The following ANK2 variants were observed in gnomAD, a reference collection of about 807,000 sequenced individuals.
ANK2 encodes the protein ankyrin 2, also known as ankyrin-2.
In ANK2, 83 loss-of-function variants were observed where a neutral mutation model predicts 360.5. The observed-to-expected ratio is 0.23, with a 90% confidence interval of 0.19 to 0.28. The LOEUF is 0.28. Among genes scored for constraint, ANK2 ranks in the 10% least tolerant of loss-of-function variants. ANK2 has a pLI of 1.00. For missense variants in ANK2, 4,201 were observed against 4,795.7 expected (o/e 0.88, Z 3.66); for synonymous variants, 1,740 against 1,759.5 (o/e 0.99, Z 0.28).
chr4:112,726,042 T>C, the ANK2 span, among the ~76,000 whole-genome samples: 3 of 152,160 alleles, frequency 2.0e-5, no homozygotes, highest in Non-Finnish European at 4.4e-5. Context: ...CAGAGAACAC[T>C]TCCCTGATAA....
At chr4:112,878,369 C>T (rs1442197740) in intron 1 of ANK2, among the ~76,000 whole-genome samples, 1 of 152,014 alleles carries the variant, frequency 6.6e-6, no homozygotes, top group African/African-American at 2.4e-5. Context: ...TCTTGTTGCC[C>T]AGGCCTGAGT....
At chr4:112,762,508 TTTG>T in the ANK2 span, among the ~76,000 whole-genome samples, 455 of 152,214 alleles carry the variant, frequency 3.0e-3, 4 homozygotes, top group Non-Finnish European at 2.9e-3. Context: ...CTTTTCTAAT[TTTG>T]TTGTTGTTGT....
chr4:113,084,454 C>T (rs115137877), intron 1 of ANK2, among the ~76,000 whole-genome samples: 1,748 of 152,200 alleles, frequency 0.011, 13 homozygotes, highest in Non-Finnish European at 0.018. Context: ...GGAAACGAAA[C>T]GCGATTAAAT....
At chr4:112,755,129 C>G in the ANK2 span, among the ~76,000 whole-genome samples, 51 of 152,298 alleles carry the variant, frequency 3.3e-4, no homozygotes, top group Admixed American at 1.8e-3. Context: ...ATCCTGCCCC[C>G]CTCCAATCCC....
chr4:113,013,439 G>T (rs1283573180), intron 2 of ANK2, among the ~76,000 whole-genome samples: 2 of 151,876 alleles, frequency 1.3e-5, no homozygotes, highest in Non-Finnish European at 2.9e-5. Flanking sequence ...ATATATTATT[G>T]GTATTTATGT....
At chr4:113,132,529 A>G (rs1214188263) in intron 1 of ANK2, among the ~76,000 whole-genome samples, 3 of 152,152 alleles carry the variant, frequency 2.0e-5, no homozygotes, top group East Asian at 3.8e-4. Flanking sequence ...CCACAGAACT[A>G]CTTTGTACCC....
rs760754896 is a variant in ANK2, at chr4:113,199,139, A to G, written c.384+30A>G. On this transcript the variant is annotated intron_variant, in intron 4 of 45. Transcript: ENST00000357077. ...TCCATTCAGATTTTCCCTGATGTAC[A>G]TACATTTAAATTAGAACAGTTTTGT... 2.4e-5 allele frequency: 36 copies of G among 1,510,390 alleles called. No homozygotes were observed. The Admixed American group carries it at 3.2e-4, about 13-fold the overall frequency. 93.6% of individuals were successfully genotyped at this position (1,510,390 alleles called of 1,614,324 possible). A position where few individuals can be genotyped will look rare whatever the true frequency, so the allele number is the denominator to read the frequency against.
chr4:113,119,570 G>C (rs1225901975), intron 1 of ANK2, among the ~76,000 whole-genome samples: 1 of 152,102 alleles, frequency 6.6e-6, no homozygotes, highest in South Asian at 2.1e-4. Flanking sequence ...ACCATCTGCA[G>C]AAAGTAATTT....
intron 13 of ANK2, 21 bp from the exon 14 acceptor site, chr4:113,264,876 A>G (rs2055056022): frequency 1.3e-6 from 2 of 1,553,406 alleles, no homozygotes. Flanking sequence ...TTATGATTTG[A>G]CGATCTTTGT....
Position 113,025,323 on chromosome 4 carries a change from G to A in ANK2, c.21+120809G>A, listed in dbSNP as rs2059046573. Reference sequence around the variant, plus strand: ...ATGCACATACTGTGATGTAAAAATTGTGACAGAGGAAGAAAGGTTGTATAT... The same window carrying A: ...ATGCACATACTGTGATGTAAAAATTATGACAGAGGAAGAAAGGTTGTATAT... On this transcript the variant is annotated intron_variant, in intron 2 of 30. Coordinates refer to the ANK2 transcript ENST00000503271. 2.1e-5 allele frequency among the ~76,000 whole-genome samples: 3 copies of A among 142,782 alleles called. No homozygotes were observed. The South Asian group carries it at 6.2e-4, about 30-fold the overall frequency. The allele number at this position is 142,782 out of a possible 152,430, so 93.7% of individuals were successfully genotyped here.
chr4:112,750,953 C>T, the ANK2 span, among the ~76,000 whole-genome samples: 1 of 152,180 alleles, frequency 6.6e-6, no homozygotes, highest in Non-Finnish European at 1.5e-5. Context: ...CCTCGAACTC[C>T]TGACCTCAGG....
chr4:113,040,250 A>T (rs940553500), intron 2 of ANK2, among the ~76,000 whole-genome samples: 4 of 152,066 alleles, frequency 2.6e-5, no homozygotes, highest in African/African-American at 9.7e-5. Flanking sequence ...GTGAAATTCT[A>T]CGTTTCATCT....
At chr4:113,341,565 T>G (rs2094304230) in intron 32 of ANK2, 123 bp from the exon 33 acceptor site, 1 of 961,600 alleles carries the variant, frequency 1.0e-6, no homozygotes, top group African/African-American at 1.6e-5. Context: ...ATTATCTCCC[T>G]CTCTCACTTC....
At chr4:113,159,822 A>G (rs763285522) in intron 1 of ANK2, among the ~76,000 whole-genome samples, 21 of 151,926 alleles carry the variant, frequency 1.4e-4, no homozygotes, top group Admixed American at 3.3e-4. Flanking sequence ...GGGTTTCACT[A>G]TGTTGGCCAG....
At chr4:113,048,248 G>GTATATATATATATATATATA (rs869196489), upstream of ANK2, among the ~76,000 whole-genome samples, 56 of 36,224 alleles carry the variant, frequency 1.5e-3, no homozygotes, top group East Asian at 2.9e-3. Context: ...CTACAAGTGT[G>GTATATATATATATATATATA]TATATATATA....
At chr4:113,194,552 A>T (rs1475898377) in intron 2 of ANK2, among the ~76,000 whole-genome samples, 1 of 152,190 alleles carries the variant, frequency 6.6e-6, no homozygotes, top group East Asian at 1.9e-4. Context: ...AACAAAAAAG[A>T]TAACTTTGTT....
chr4:113,235,577 C>T (rs112539814), intron 5 of ANK2, among the ~76,000 whole-genome samples: 8,315 of 150,364 alleles, frequency 0.055, 753 homozygotes, highest in African/African-American at 0.19. Flanking sequence ...TACAGGTGCA[C>T]GCCACCACAT....
chr4:113,077,523 G>T (rs2080597406), intron 1 of ANK2, among the ~76,000 whole-genome samples: 1 of 152,154 alleles, frequency 6.6e-6, no homozygotes, highest in African/African-American at 2.4e-5. Context: ...TGGACTAAAT[G>T]AACCTTTTTA....
intron 2 of ANK2, among the ~76,000 whole-genome samples, chr4:112,976,976 G>C (rs2041647942): frequency 6.6e-6 from 1 of 152,172 alleles, no homozygotes. Context: ...GTTCTTGTAA[G>C]TCCCTGTTGA....
Sources: gnomAD v4.1 joint callset for allele counts (sites outside exome capture counted in the v4.1 genomes callset) on GRCh38, gnomAD v4.1.1 for gene constraint, MANE v1.5 for transcripts, NCBI Gene and HGNC (gene_info 2026-07-23, HGNC 2026-07-21) for gene names.